The following NF1 variants were observed in gnomAD, a reference collection of about 807,000 sequenced individuals.
NF1 encodes neurofibromin 1.
NF1 carries 122 observed loss-of-function variants against 325.7 expected under a neutral mutation model. The ratio of observed to expected loss-of-function variants is 0.37; its 90% CI spans 0.32 to 0.44. The LOEUF (loss-of-function observed/expected upper bound fraction) is 0.44. NF1 is among the 20% of genes least tolerant of loss of function. NF1 has a pLI of 1.00. For missense variants in NF1, 2,140 were observed against 3,415.4 expected, an observed-to-expected ratio of 0.63 and a Z score of 9.31; for synonymous variants, 1,091 against 1,186.0, an observed-to-expected ratio of 0.92 and a Z score of 1.65.
intron 8 of NF1, among the ~76,000 whole-genome samples, chr17:31,184,148 T>C (rs1030271302): frequency 1.3e-5 from 2 of 152,184 alleles, no homozygotes; most frequent in African/African-American, 4.8e-5. Flanking sequence ...ACTCTACTTC[T>C]AATATTGTGG....
At chr17:31,130,675 C>T (rs1240005043) in intron 1 of NF1, among the ~76,000 whole-genome samples, 3 of 152,136 alleles carry the variant, frequency 2.0e-5, no homozygotes, top group Non-Finnish European at 2.9e-5. Context: ...TCTGTACCTG[C>T]CAGTGCTCCC....
intron 8 of NF1, 168 bp downstream of exon 8, chr17:31,182,833 C>A (rs2066162748): frequency 1.5e-6 from 1 of 658,118 alleles, no homozygotes; most frequent in South Asian, 1.9e-5. Context: ...CATACTCATA[C>A]ATAATTTTAT....
intron 57 of NF1, among the ~76,000 whole-genome samples, chr17:31,365,297 AGAAG>A (rs2070492268): frequency 1.3e-5 from 2 of 148,656 alleles, no homozygotes; most frequent in Admixed American, 1.3e-4. Flanking sequence ...AAAAAAAAAA[AGAAG>A]GAAAGAAAGA....
At position 31,365,731 on chromosome 17, in the gene NF1, G is replaced by A. The variant is rs138131146; in HGVS notation, c.8377+5028G>A. Among the ~76,000 whole-genome samples, 708 of 152,146 alleles carry A rather than the reference G, an allele frequency of 4.7e-3. 3 individuals are homozygous for A. The highest frequency in any genetic ancestry group is 5.6e-3 in the Non-Finnish European group (378 of 67,996). On this transcript the variant is annotated intron_variant, in intron 57 of 57. Coordinates refer to ENST00000358273, the MANE Select transcript of NF1 (RefSeq NM_001042492.3). ...CCTTCAATATATTTCAGATCAGAAC[G>A]GGCAGTAGAATGTACATAGATAACT... is the stretch of plus-strand genomic sequence containing the variant.
intron 4 of NF1, among the ~76,000 whole-genome samples, chr17:31,166,571 A>G (rs528892012): frequency 2.0e-5 from 3 of 152,252 alleles, no homozygotes; most frequent in South Asian, 2.1e-4. Flanking sequence ...TGGGCAGTAT[A>G]AATTTGAACC....
At chr17:31,235,523 T>C (rs560060154) in intron 27 of NF1, 88 bp from the exon 28 acceptor site, 40 of 1,419,538 alleles carry the variant, frequency 2.8e-5, no homozygotes, top group Non-Finnish European at 3.5e-5. Context: ...TTGTCAACTT[T>C]GGGTTTACAT....
chr17:31,170,012 A>C lies in NF1; in HGVS notation c.586+15A>C, dbSNP rs2065905426. On this transcript the variant is annotated intron_variant, in intron 5 of 57. Coordinates refer to ENST00000358273, the MANE Select transcript of NF1 (RefSeq NM_001042492.3). Reference sequence around the variant, plus strand: ...ACTCCTGAAGGGTAAGTTTAAATGTATAATATATCTGAAAAAAATCACTGG... The same window carrying C: ...ACTCCTGAAGGGTAAGTTTAAATGTCTAATATATCTGAAAAAAATCACTGG... The C allele has an allele frequency of 6.5e-7, 1 of 1,533,648 alleles. No individual in the cohort carries two copies.
In NF1 at chr17:31,182,339, A is replaced by G. The variant is rs115245511; in HGVS notation, c.731-169A>G. ...GCTCTTCTAACACATAGACAGTATT[A>G]CATTGCTTGTCTACTTACCAGAATG... On this transcript the variant is annotated intron_variant, in intron 7 of 57. Transcript: ENST00000358273. Among the ~76,000 whole-genome samples the G allele has an allele frequency of 4.5e-3, 681 of 151,228 alleles. 6 individuals carry two copies. Among genetic ancestry groups the G allele is most frequent in the African/African-American group, 0.016 (651 of 40,552 alleles).
intron 36 of NF1, chr17:31,319,118 A>G: frequency 6.1e-6 from 8 of 1,304,368 alleles, no homozygotes; most frequent in Non-Finnish European, 8.4e-6. Context: ...AGATGTTACA[A>G]GTAAACTACA....
At chr17:31,143,258 CACACACACACGG>C (rs1435669451) in intron 1 of NF1, among the ~76,000 whole-genome samples, 1 of 151,398 alleles carries the variant, frequency 6.6e-6, no homozygotes, top group African/African-American at 2.4e-5. Context: ...CACACACTCA[CACACACACACGG>C]ACACACACAC....
chr17:31,360,393 T>G, intron 56 of NF1, 94 bp from the exon 57 acceptor site: 1 of 1,060,260 alleles, frequency 9.4e-7, no homozygotes, highest in Non-Finnish European at 1.4e-6. Flanking sequence ...AGAAAAATAG[T>G]AAATTAAGTC....
intron 11 of NF1, among the ~76,000 whole-genome samples, chr17:31,205,326 A>G (rs1347336393): frequency 6.6e-6 from 1 of 152,122 alleles, no homozygotes; most frequent in African/African-American, 2.4e-5. Context: ...ATTCTTCCAG[A>G]TTTTTTAAAT....
In NF1 at chr17:31,159,102, A is replaced by G. The variant is rs1567816141; in HGVS notation, c.288+9A>G. On this transcript the variant is annotated intron_variant, in intron 3 of 57. Transcript: ENST00000358273. ...AAAAATGTCTTGCTGGGGTAAGTAAATTGATCTTAAGTAGGCAGGCTTTGT... is the reference window on the plus strand; with the variant it reads ...AAAAATGTCTTGCTGGGGTAAGTAAGTTGATCTTAAGTAGGCAGGCTTTGT... 1 of 1,566,166 alleles carries G rather than the reference A, an allele frequency of 6.4e-7. No individual in the cohort carries two copies. The highest frequency in any genetic ancestry group is 8.8e-7 in the Non-Finnish European group (1 of 1,136,700).
intron 14 of NF1, 148 bp from the exon 15 acceptor site, chr17:31,221,700 TTC>T: frequency 1.6e-6 from 1 of 637,120 alleles, no homozygotes; most frequent in Non-Finnish European, 2.8e-6. Context: ...TCACCAGAGT[TTC>T]TCTCTTTTTA....
intron 57 of NF1, among the ~76,000 whole-genome samples, chr17:31,363,366 T>C (rs2070439638): frequency 6.6e-6 from 1 of 152,040 alleles, no homozygotes; most frequent in Admixed American, 6.6e-5. Flanking sequence ...TAAGAGTTGA[T>C]CTTTTGTTTA....
At chr17:31,235,293 G>T (rs886171716) in intron 27 of NF1, among the ~76,000 whole-genome samples, 1 of 152,142 alleles carries the variant, frequency 6.6e-6, no homozygotes, top group African/African-American at 2.4e-5. Flanking sequence ...GTCATCTTCT[G>T]TTTCTGCTCT....
intron 11 of NF1, among the ~76,000 whole-genome samples, chr17:31,203,507 A>G (rs1319715442): frequency 6.6e-6 from 1 of 152,160 alleles, no homozygotes; most frequent in Non-Finnish European, 1.5e-5. Flanking sequence ...TTTGAGGCTA[A>G]TCGCTATTGA....
chr17:31,204,267 C>T (rs1454839451), intron 11 of NF1, among the ~76,000 whole-genome samples: 2 of 151,952 alleles, frequency 1.3e-5, no homozygotes, highest in Admixed American at 6.6e-5. Flanking sequence ...ATGGATAGTT[C>T]ACATACTGAA....
chr17:31,285,765 C>T (rs2068214832), intron 36 of NF1, among the ~76,000 whole-genome samples: 2 of 151,796 alleles, frequency 1.3e-5, no homozygotes, highest in Non-Finnish European at 2.9e-5. Context: ...ATCACTTTAG[C>T]CTAGGAGGTC....
Sources: gnomAD v4.1 joint callset for allele counts (sites outside exome capture counted in the v4.1 genomes callset) on GRCh38, gnomAD v4.1.1 for gene constraint, MANE v1.5 for transcripts, NCBI Gene and HGNC (gene_info 2026-07-23, HGNC 2026-07-21) for gene names.